Variants in RSPO2 observed in about 807,000 individuals in gnomAD.
The protein encoded by RSPO2 is R-spondin 2, also known as R-spondin-2.
RSPO2 carries 14 observed loss-of-function variants against 30.9 expected under a neutral mutation model. That is an observed-to-expected ratio of 0.45 (90% CI 0.30 to 0.71). The LOEUF is 0.71. Among genes scored for constraint, RSPO2 ranks in the 30% least tolerant of loss-of-function variants. The probability of loss-of-function intolerance (pLI) is 0.08; values close to 1 mark genes in which losing one functional copy is unlikely to be tolerated. For synonymous variants in RSPO2, 107 were observed against 96.4 expected (o/e 1.11, Z -0.64); for missense variants, 264 against 301.9 (o/e 0.87, Z 0.93).
At chr8:108,047,572 G>A (rs926630171) in intron 2 of RSPO2, among the ~76,000 whole-genome samples, 1 of 152,150 alleles carries the variant, frequency 6.6e-6, no homozygotes, top group Middle Eastern at 3.2e-3. Flanking sequence ...CTGTGGTCAG[G>A]CATGGTGGCT....
intron 5 of RSPO2, 125 bp downstream of exon 5, chr8:107,957,955 T>C (rs1813481047): frequency 1.6e-6 from 1 of 637,834 alleles, no homozygotes; most frequent in African/African-American, 1.8e-5. Flanking sequence ...CAAAACTTTA[T>C]CCCCTCACCA....
At chr8:107,996,709 C>T (rs764264521) in intron 2 of RSPO2, among the ~76,000 whole-genome samples, 4 of 152,152 alleles carry the variant, frequency 2.6e-5, no homozygotes, top group Non-Finnish European at 4.4e-5. Context: ...AAGAGAATTA[C>T]AGAACCAAGA....
chr8:108,067,146 G>A (rs1044416881), intron 2 of RSPO2, among the ~76,000 whole-genome samples: 1 of 152,184 alleles, frequency 6.6e-6, no homozygotes, highest in Non-Finnish European at 1.5e-5. Context: ...TGAGTGGGAA[G>A]GAAGTAATAC....
chr8:107,946,209 C>T (rs553966501), intron 5 of RSPO2, among the ~76,000 whole-genome samples: 2 of 152,338 alleles, frequency 1.3e-5, no homozygotes, highest in Non-Finnish European at 2.9e-5. Flanking sequence ...AAGCAAGCAT[C>T]TGTTATCCCC....
chr8:107,960,592 A>C, intron 4 of RSPO2, 82 bp downstream of exon 4: 3 of 1,313,178 alleles, frequency 2.3e-6, no homozygotes, highest in South Asian at 1.3e-5. Context: ...TCTTAGTTTA[A>C]ATATATCCAG....
At chr8:107,981,887 A>C (rs1484203724) in intron 3 of RSPO2, among the ~76,000 whole-genome samples, 2 of 151,810 alleles carry the variant, frequency 1.3e-5, no homozygotes, top group South Asian at 4.2e-4. Context: ...TTAAAAAATT[A>C]GCTGGCTATA....
At chr8:107,944,401 C>A (rs1812990709) in intron 5 of RSPO2, among the ~76,000 whole-genome samples, 1 of 152,122 alleles carries the variant, frequency 6.6e-6, no homozygotes, top group African/African-American at 2.4e-5. Flanking sequence ...TTGTAAGCCA[C>A]TTAAAGATAA....
intron 3 of RSPO2, among the ~76,000 whole-genome samples, chr8:107,982,815 T>C (rs1424207889): frequency 6.6e-6 from 1 of 152,226 alleles, no homozygotes; most frequent in Non-Finnish European, 1.5e-5. Context: ...TTCTGGGACA[T>C]CATCCTCTCT....
At chr8:107,988,441 T>A (rs1224907026) in intron 3 of RSPO2, among the ~76,000 whole-genome samples, 1 of 151,316 alleles carries the variant, frequency 6.6e-6, no homozygotes, top group Admixed American at 6.6e-5. Context: ...TTTTTTTTTA[T>A]AAGCACTGAG....
At position 108,024,491 on chromosome 8, in the gene RSPO2, G is replaced by A. The variant is rs375509909; in HGVS notation, c.95-35247C>T. 2.7e-4 allele frequency among the ~76,000 whole-genome samples: 40 copies of A among 150,314 alleles called. No homozygotes were observed. In the East Asian group the frequency reaches 7.4e-3, roughly 28 times the overall value. ...CTAATGTATGTTACCTTTGATAGCA[G>A]AACAAAAGGGAAATAAAATATACAC... On this transcript the variant is annotated intron_variant, in intron 2 of 5. Coordinates refer to ENST00000276659, the MANE Select transcript of RSPO2 (RefSeq NM_178565.5).
rs533795422 is a variant in RSPO2, at chr8:108,033,466, T to C, written c.95-44222A>G. Among the ~76,000 whole-genome samples the C allele has an allele frequency of 8.1e-4, 123 of 152,272 alleles. 2 individuals carry two copies. The highest frequency in any genetic ancestry group is 3.4e-3 in the Middle Eastern group (1 of 292). On this transcript the variant is annotated intron_variant, in intron 2 of 5. Coordinates refer to ENST00000276659, the MANE Select transcript of RSPO2 (RefSeq NM_178565.5). ...TCCATAACCTGTGTTCATCCCTCCGTGTAAGATAAGCATGCCTGAGAGGCA... is the reference window on the plus strand; with the variant it reads ...TCCATAACCTGTGTTCATCCCTCCGCGTAAGATAAGCATGCCTGAGAGGCA...
At chr8:107,957,578 A>G (rs1309112050) in intron 5 of RSPO2, among the ~76,000 whole-genome samples, 1 of 152,232 alleles carries the variant, frequency 6.6e-6, no homozygotes, top group Non-Finnish European at 1.5e-5. Flanking sequence ...AGAAACGGCT[A>G]ATTGTGGTAA....
chr8:108,056,198 A>G (rs948782416), intron 2 of RSPO2, among the ~76,000 whole-genome samples: 2 of 152,218 alleles, frequency 1.3e-5, no homozygotes, highest in African/African-American at 4.8e-5. Context: ...ATTTATAATC[A>G]AATGAGATCC....
rs182505808 is a variant in RSPO2, at chr8:108,015,581, T to C, written c.95-26337A>G. On this transcript the variant is annotated intron_variant, in intron 2 of 5. Coordinates refer to ENST00000276659, the MANE Select transcript of RSPO2 (RefSeq NM_178565.5). ...CCGCTAAGTTAGCCAGAATCCCCCATCCTGGATTTCTGACCACTCTTGATA... is the reference window on the plus strand; with the variant it reads ...CCGCTAAGTTAGCCAGAATCCCCCACCCTGGATTTCTGACCACTCTTGATA... 1.1e-4 allele frequency among the ~76,000 whole-genome samples: 17 copies of C among 152,148 alleles called. 1 individual carries two copies.
chr8:108,013,546 A>G (rs1357255347), intron 2 of RSPO2, among the ~76,000 whole-genome samples: 4 of 152,214 alleles, frequency 2.6e-5, no homozygotes, highest in Non-Finnish European at 5.9e-5. Context: ...AAATAACACC[A>G]CACATCTACA....
chr8:107,933,193 C>G (rs1455534345), intron 5 of RSPO2, among the ~76,000 whole-genome samples: 3 of 152,144 alleles, frequency 2.0e-5, no homozygotes, highest in African/African-American at 7.2e-5. Context: ...CCTCTCCAAT[C>G]TGATGCGAGT....
At chr8:107,977,720 A>T (rs1042332141) in intron 3 of RSPO2, among the ~76,000 whole-genome samples, 16 of 152,140 alleles carry the variant, frequency 1.1e-4, no homozygotes, top group Non-Finnish European at 1.3e-4. Context: ...CTCTGTTTGA[A>T]GGACTACTGG....
chr8:107,966,543 G>A (rs75680203), intron 3 of RSPO2, among the ~76,000 whole-genome samples: 1,571 of 152,248 alleles, frequency 0.01, 36 homozygotes, highest in South Asian at 0.081. Flanking sequence ...TCAACAATCC[G>A]GGGAGTGGAG....
intron 3 of RSPO2, among the ~76,000 whole-genome samples, chr8:107,980,557 G>A (rs1242993387): frequency 6.6e-6 from 1 of 152,108 alleles, no homozygotes; most frequent in Non-Finnish European, 1.5e-5. Flanking sequence ...AGCATTTCTG[G>A]TTTAAGTGTA....
Sources: gnomAD v4.1 joint callset for allele counts (sites outside exome capture counted in the v4.1 genomes callset) on GRCh38, gnomAD v4.1.1 for gene constraint, MANE v1.5 for transcripts, NCBI Gene and HGNC (gene_info 2026-07-23, HGNC 2026-07-21) for gene names.